PTPRT: variants seen among roughly 807,000 people sequenced by gnomAD.
The protein encoded by PTPRT is receptor-type tyrosine-protein phosphatase T.
PTPRT carries 56 observed loss-of-function variants against 176.8 expected under a neutral mutation model. The ratio of observed to expected loss-of-function variants is 0.32; its 90% CI spans 0.26 to 0.40. The LOEUF is 0.40. Among genes scored for constraint, PTPRT ranks in the 10% least tolerant of loss-of-function variants. The pLI is 1.00. For missense variants in PTPRT, 1,540 were observed against 1,908.2 expected, an observed-to-expected ratio of 0.81 and a Z score of 3.60; for synonymous variants, 783 against 739.0, an observed-to-expected ratio of 1.06 and a Z score of -0.96.
At chr20:43,137,146 C>T (rs904198892) in intron 1 of PTPRT, among the ~76,000 whole-genome samples, 4 of 152,174 alleles carry the variant, frequency 2.6e-5, no homozygotes, top group African/African-American at 9.7e-5. Flanking sequence ...TCTAGTCCAA[C>T]CTCCTCCTGA....
chr20:42,608,079 A>G (rs970329372), intron 7 of PTPRT, among the ~76,000 whole-genome samples: 5 of 152,198 alleles, frequency 3.3e-5, no homozygotes, highest in Non-Finnish European at 7.3e-5. Context: ...TCAGACCAGT[A>G]AAGCTGTCTG....
At chr20:42,913,306 A>G (rs1978520370) in intron 1 of PTPRT, among the ~76,000 whole-genome samples, 1 of 152,156 alleles carries the variant, frequency 6.6e-6, no homozygotes, top group Non-Finnish European at 1.5e-5. Flanking sequence ...ACCCCTTCTG[A>G]GGGAGAAGAG....
chr20:42,506,421 C>A (rs1257040955), intron 7 of PTPRT, among the ~76,000 whole-genome samples: 2 of 152,102 alleles, frequency 1.3e-5, no homozygotes, highest in African/African-American at 4.8e-5. Context: ...TCTTTATTGA[C>A]TTAATTCCTT....
At chr20:42,981,876 A>C (rs1983300613) in intron 1 of PTPRT, among the ~76,000 whole-genome samples, 1 of 152,178 alleles carries the variant, frequency 6.6e-6, no homozygotes, top group Admixed American at 6.5e-5. Context: ...GGTGTTGGCT[A>C]GGAAGGCTGA....
intron 1 of PTPRT, among the ~76,000 whole-genome samples, chr20:42,934,205 T>C (rs1378219473): frequency 6.6e-6 from 1 of 152,114 alleles, no homozygotes; most frequent in Non-Finnish European, 1.5e-5. Context: ...GTGTGTCAAA[T>C]TGCAGTGCCA....
rs373970041 is a variant in PTPRT at position 42,678,122 on chromosome 20, A to G, written c.897T>C (p.Ala299=). The G allele has an allele frequency of 3.7e-6, 6 of 1,614,086 alleles. No individual in the cohort carries two copies. Among genetic ancestry groups the G allele is most frequent in the Non-Finnish European group, 5.1e-6 (6 of 1,179,984 alleles). The change falls in exon 7 of 31, where the codon GCT becomes GCC. Residue 299 remains alanine, a synonymous_variant. Transcript: ENST00000373187. ...TGATCCACAGGTATGTGGCCCCCAC[A>G]GCCAGCAGCTCTGGGGGAGCAATGG... ...PTPIAPPELL[A]VGATYLWIKP...
At chr20:42,193,193 C>T (rs1050155602) in intron 16 of PTPRT, among the ~76,000 whole-genome samples, 5 of 152,166 alleles carry the variant, frequency 3.3e-5, no homozygotes, top group South Asian at 4.1e-4. Context: ...AAAATGAATT[C>T]GATAATAATC....
At chr20:42,506,455 T>C (rs1048715110) in intron 7 of PTPRT, among the ~76,000 whole-genome samples, 3 of 152,144 alleles carry the variant, frequency 2.0e-5, no homozygotes, top group Non-Finnish European at 2.9e-5. Flanking sequence ...TGCTTTCCAG[T>C]TGAATCTATT....
At chr20:42,245,274 T>C (rs752226871) in intron 14 of PTPRT, among the ~76,000 whole-genome samples, 59 of 152,318 alleles carry the variant, frequency 3.9e-4, no homozygotes, top group Non-Finnish European at 7.2e-4. Context: ...CTTCTTATAA[T>C]GCTCATATCA....
Position 42,072,928 on chromosome 20 carries a change from G to T in PTPRT, c.*7951C>A. 4.5e-6 allele frequency: 1 copy of T among 224,120 alleles called. No homozygotes were observed. Among genetic ancestry groups the T allele is most frequent in the Non-Finnish European group, 8.9e-6 (1 of 112,138 alleles). 13.9% of individuals were successfully genotyped at this position (224,120 alleles called of 1,614,324 possible). On this transcript the variant is annotated 3_prime_UTR_variant, in exon 31 of 31. Transcript: ENST00000373187. ...TCAAAAAATATATCTGATATTCATT[G>T]ACCTGACATTATTTACCTTCTGCTT...
At chr20:42,050,968 A>G in the PTPRT span, among the ~76,000 whole-genome samples, 43 of 152,368 alleles carry the variant, frequency 2.8e-4, no homozygotes, top group South Asian at 7.7e-3. Context: ...AGGCAGAGAA[A>G]AGCTCTGCAT....
intron 12 of PTPRT, among the ~76,000 whole-genome samples, chr20:42,290,953 T>C (rs554878709): frequency 6.6e-6 from 1 of 152,296 alleles, no homozygotes; most frequent in African/African-American, 2.4e-5. Context: ...CATACAATTC[T>C]TACTTTACTG....
rs2074087670 is a variant in PTPRT at position 42,616,754 on chromosome 20, T to G, written c.1153+61112A>C. 4.7e-5 allele frequency among the ~76,000 whole-genome samples: 6 copies of G among 129,006 alleles called. No individual in the cohort carries two copies. In the South Asian group the frequency reaches 9.8e-4, roughly 21 times the overall value. The allele number at this position is 129,006 out of a possible 152,430, so 84.6% of individuals were successfully genotyped here. On this transcript the variant is annotated intron_variant, in intron 7 of 30. Coordinates refer to ENST00000373187, the MANE Select transcript of PTPRT (RefSeq NM_007050.6). ...GCTCTCTGTTTGTCTGTTGTTGGTG[T>G]ATAAGAATGCTTGTGATTTTTGTAC...
intron 7 of PTPRT, among the ~76,000 whole-genome samples, chr20:42,504,229 C>T (rs6102870): frequency 0.12 from 18,824 of 151,768 alleles, 2,689 homozygotes; most frequent in African/African-American, 0.35. Flanking sequence ...ATGTGTGGGC[C>T]CAAACTGTTG....
At chr20:42,672,738 G>C (rs2075434998) in intron 7 of PTPRT, among the ~76,000 whole-genome samples, 1 of 152,100 alleles carries the variant, frequency 6.6e-6, no homozygotes, top group Non-Finnish European at 1.5e-5. Flanking sequence ...GTATCCTTTG[G>C]GTTAAGGGAA....
intron 7 of PTPRT, among the ~76,000 whole-genome samples, chr20:42,556,141 C>T (rs552538591): frequency 6.6e-6 from 1 of 152,298 alleles, no homozygotes; most frequent in African/African-American, 2.4e-5. Context: ...TCTCCTCAGG[C>T]AGGGACTTGC....
At chr20:42,548,121 A>G (rs1349386088) in intron 7 of PTPRT, among the ~76,000 whole-genome samples, 1 of 152,098 alleles carries the variant, frequency 6.6e-6, no homozygotes, top group Non-Finnish European at 1.5e-5. Context: ...ATAGGATACA[A>G]TGATATAACA....
At chr20:42,562,377 T>A (rs1443483613) in intron 7 of PTPRT, among the ~76,000 whole-genome samples, 1 of 152,230 alleles carries the variant, frequency 6.6e-6, no homozygotes, top group East Asian at 1.9e-4. Context: ...TGCGTCCAGC[T>A]TTGTTTGTTC....
intron 6 of PTPRT, among the ~76,000 whole-genome samples, chr20:42,733,027 T>A (rs1439860477): frequency 6.6e-6 from 1 of 152,184 alleles, no homozygotes; most frequent in Non-Finnish European, 1.5e-5. Flanking sequence ...TCGAGAGGCC[T>A]TCTCAGCATG....
Sources: gnomAD v4.1 joint callset for allele counts (sites outside exome capture counted in the v4.1 genomes callset) on GRCh38, gnomAD v4.1.1 for gene constraint, MANE v1.5 for transcripts, NCBI Gene and HGNC (gene_info 2026-07-23, HGNC 2026-07-21) for gene names.